HDAC9: variants seen among roughly 807,000 people sequenced by gnomAD.
HDAC9 encodes the protein histone deacetylase 9, also known as MEF-2 interacting transcription repressor (MITR) protein.
In HDAC9, 41 loss-of-function variants were observed where a neutral mutation model predicts 139.4. The observed-to-expected ratio is 0.29, with a 90% CI of 0.23 to 0.38. The LOEUF is 0.38. Ranked by LOEUF, HDAC9 falls within the 10% of genes least tolerant of loss-of-function variation. HDAC9 has a pLI of 1.00. For synonymous variants in HDAC9, 517 were observed against 476.2 expected (o/e 1.09, Z -1.12); for missense variants, 1,147 against 1,297.0 (o/e 0.88, Z 1.78).
intron 1 of HDAC9, among the ~76,000 whole-genome samples, chr7:18,471,637 A>G (rs1794733328): frequency 1.3e-5 from 2 of 152,206 alleles, no homozygotes; most frequent in African/African-American, 2.4e-5. Flanking sequence ...GCTACCCAAC[A>G]TAACTCAGCT....
At chr7:18,835,612 A>G (rs1360999386) in intron 20 of HDAC9, 26 bp downstream of exon 20, 1 of 1,613,124 alleles carries the variant, frequency 6.2e-7, no homozygotes, top group East Asian at 2.2e-5. Flanking sequence ...TTAGAGCCCC[A>G]CTTTTATTTG....
rs568249395 is a variant in HDAC9 at position 18,869,326 on chromosome 7, T to C, written c.2685-5152T>C. Among the ~76,000 whole-genome samples the C allele has an allele frequency of 1.1e-4, 17 of 152,096 alleles. No individual in the cohort carries two copies. In the East Asian group the frequency reaches 3.3e-3, roughly 29 times the overall value. On this transcript the variant is annotated intron_variant, in intron 21 of 25. Coordinates refer to ENST00000686413, the MANE Select transcript of HDAC9 (RefSeq NM_178425.4). ...ATTGGATCATGGGGGTGGTTTCTTATGGTTTAGCACCACTCACCTAGTGCT... is the reference window on the plus strand; with the variant it reads ...ATTGGATCATGGGGGTGGTTTCTTACGGTTTAGCACCACTCACCTAGTGCT...
chr7:18,895,872 T>C (rs1228450151), intron 22 of HDAC9, among the ~76,000 whole-genome samples: 1 of 152,132 alleles, frequency 6.6e-6, no homozygotes, highest in Non-Finnish European at 1.5e-5. Flanking sequence ...CAATAAGTCA[T>C]TATTTAATCA....
intron 2 of HDAC9, among the ~76,000 whole-genome samples, chr7:18,194,927 G>A (rs1308486589): frequency 2.0e-5 from 3 of 150,626 alleles, no homozygotes; most frequent in Non-Finnish European, 4.4e-5. Context: ...AGAGAATGTT[G>A]CTTTATAGTT....
At chr7:18,291,156 G>A (rs1383174890) in intron 1 of HDAC9, among the ~76,000 whole-genome samples, 1 of 151,950 alleles carries the variant, frequency 6.6e-6, no homozygotes, top group Admixed American at 6.6e-5. Context: ...AATAAAAGAG[G>A]CCTAAAGTTT....
At chr7:18,891,645 G>C (rs1374366633) in intron 22 of HDAC9, among the ~76,000 whole-genome samples, 1 of 152,150 alleles carries the variant, frequency 6.6e-6, no homozygotes, top group Non-Finnish European at 1.5e-5. Flanking sequence ...CTAGCTCCTT[G>C]TGTGACTGAC....
intron 14 of HDAC9, among the ~76,000 whole-genome samples, chr7:18,758,056 C>T (rs560409786): frequency 3.3e-5 from 5 of 152,174 alleles, no homozygotes; most frequent in Middle Eastern, 3.4e-3. Flanking sequence ...ACTAAGTGCA[C>T]GTCACAGGGA....
At chr7:18,876,703 AT>A (rs71017009) in intron 22 of HDAC9, among the ~76,000 whole-genome samples, 10,654 of 144,934 alleles carry the variant, frequency 0.074, 718 homozygotes, top group African/African-American at 0.18. Context: ...ATGAGAATAG[AT>A]TTTTTTTTTT....
At chr7:18,614,441 C>A (rs1419781716) in intron 6 of HDAC9, among the ~76,000 whole-genome samples, 1 of 152,136 alleles carries the variant, frequency 6.6e-6, no homozygotes, top group African/African-American at 2.4e-5. Context: ...TCACCAAGTT[C>A]TGTCTTTTCC....
chr7:18,672,960 C>A (rs1313372115), intron 12 of HDAC9, among the ~76,000 whole-genome samples: 1 of 151,982 alleles, frequency 6.6e-6, no homozygotes, highest in Non-Finnish European at 1.5e-5. Context: ...ACTTTTGATA[C>A]TGTTACTTTT....
At chr7:18,824,044 G>GGAAGAGGAAGAGGAAGAGGAAGAAGAA (rs71309048) in intron 17 of HDAC9, among the ~76,000 whole-genome samples, 23 of 67,162 alleles carry the variant, frequency 3.4e-4, no homozygotes, top group Admixed American at 9.6e-4. Flanking sequence ...AAGAGGAAGA[G>GGAAGAGGAAGAGGAAGAGGAAGAAGAA]GAAGAAGAAG....
intron 17 of HDAC9, among the ~76,000 whole-genome samples, chr7:18,825,265 A>G (rs1240583379): frequency 6.6e-6 from 1 of 152,226 alleles, no homozygotes; most frequent in Non-Finnish European, 1.5e-5. Flanking sequence ...GAAAGAGCAG[A>G]GGAAAAGACA....
intron 6 of HDAC9, among the ~76,000 whole-genome samples, chr7:18,607,592 A>G (rs1027130925): frequency 6.6e-6 from 1 of 152,248 alleles, no homozygotes; most frequent in African/African-American, 2.4e-5. Flanking sequence ...AAATATTAGT[A>G]GTAGCCATAT....
chr7:18,371,933 C>G (rs1360945424), intron 1 of HDAC9, among the ~76,000 whole-genome samples: 1 of 152,170 alleles, frequency 6.6e-6, no homozygotes, highest in African/African-American at 2.4e-5. Context: ...CTCTTAACTG[C>G]TATATCCTGG....
At chr7:18,254,950 T>C (rs1169795298) in intron 2 of HDAC9, among the ~76,000 whole-genome samples, 1 of 152,226 alleles carries the variant, frequency 6.6e-6, no homozygotes, top group Non-Finnish European at 1.5e-5. Context: ...ATTTGATATG[T>C]TTTATAAAAT....
chr7:18,260,994 T>C (rs1410091856), intron 2 of HDAC9, among the ~76,000 whole-genome samples: 2 of 152,164 alleles, frequency 1.3e-5, no homozygotes, highest in Admixed American at 1.3e-4. Flanking sequence ...GCAAACATGC[T>C]GGACAACTTT....
At chr7:18,843,205 T>A (rs186659331) in intron 21 of HDAC9, among the ~76,000 whole-genome samples, 1 of 152,288 alleles carries the variant, frequency 6.6e-6, no homozygotes, top group East Asian at 1.9e-4. Context: ...AGGTAATTTG[T>A]ATGCCTAGAA....
chr7:18,725,893 A>T (rs951268294), intron 12 of HDAC9, among the ~76,000 whole-genome samples: 2 of 152,172 alleles, frequency 1.3e-5, no homozygotes, highest in African/African-American at 4.8e-5. Flanking sequence ...TGTAGCTAGA[A>T]CTAGGTCCCT....
chr7:18,789,286 G>GCGCGCGCACACACACACA lies in HDAC9; in HGVS notation c.2215-4058_2215-4057insGCGCGCACACACACACAC, dbSNP rs146066951. Among the ~76,000 whole-genome samples the GCGCGCGCACACACACACA allele has an allele frequency of 3.6e-3, 541 of 148,496 alleles. 1 individual carries two copies. Among genetic ancestry groups the GCGCGCGCACACACACACA allele is most frequent in the Non-Finnish European group, 5.6e-3 (375 of 67,374 alleles). ...TTAATGCACACGCAGACACATACAC[G>GCGCGCGCACACACACACA]CACACACACACACACACACACACAG... On this transcript the variant is annotated intron_variant, in intron 16 of 25. Transcript: ENST00000686413.
Sources: gnomAD v4.1 joint callset for allele counts (sites outside exome capture counted in the v4.1 genomes callset) on GRCh38, gnomAD v4.1.1 for gene constraint, MANE v1.5 for transcripts, NCBI Gene and HGNC (gene_info 2026-07-23, HGNC 2026-07-21) for gene names.